The following ZNF507 variants were observed in gnomAD, a reference collection of about 807,000 sequenced individuals.
The protein encoded by ZNF507 is zinc finger protein 507.
In ZNF507, 29 loss-of-function variants were observed where a neutral mutation model predicts 80.0. The observed-to-expected ratio is 0.36, with a 90% CI of 0.27 to 0.49. The LOEUF is 0.49. ZNF507 is among the 20% of genes least tolerant of loss of function. The pLI is 0.98. For synonymous variants in ZNF507, 462 were observed against 422.5 expected (o/e 1.09, Z -1.15); for missense variants, 1,081 against 1,152.2 (o/e 0.94, Z 0.90).
intron 5 of ZNF507, among the ~76,000 whole-genome samples, chr19:32,375,096 T>TAA (rs61039468): frequency 7.0e-6 from 1 of 143,334 alleles, no homozygotes; most frequent in Non-Finnish European, 1.5e-5. Context: ...AGTATATTTG[T>TAA]AAAAAAAAAA....
rs1967665704 is a variant in ZNF507 at position 32,384,655 on chromosome 19, A to G, written c.*1572A>G. The G allele has an allele frequency of 1.3e-5, 2 of 152,042 alleles. No homozygotes were observed. The highest frequency in any genetic ancestry group is 2.4e-5 in the African/African-American group (1 of 41,392). 9.4% of individuals were successfully genotyped at this position (152,042 alleles called of 1,614,324 possible). A position where few individuals can be genotyped will look rare whatever the true frequency, so the allele number is the denominator to read the frequency against. ...GTATGATTGGATTAATATTTATAAA[A>G]TTATTATTAGGAATTATTTAAGTGG... On this transcript the variant is annotated 3_prime_UTR_variant, in exon 7 of 7. Coordinates refer to ENST00000355898, the MANE Select transcript of ZNF507 (RefSeq NM_001136156.2).
At chr19:32,348,677 G>T (rs960374072) in intron 2 of ZNF507, among the ~76,000 whole-genome samples, 1 of 152,108 alleles carries the variant, frequency 6.6e-6, no homozygotes, top group Non-Finnish European at 1.5e-5. Flanking sequence ...TACAACTTTT[G>T]TTTATTACTT....
intron 5 of ZNF507, among the ~76,000 whole-genome samples, chr19:32,369,691 T>C (rs773165084): frequency 3.4e-4 from 52 of 152,148 alleles, no homozygotes; most frequent in Non-Finnish European, 5.1e-4. Flanking sequence ...ATATGATGTA[T>C]AAGATGTAGA....
Position 32,354,145 on chromosome 19 carries a change from G to C in ZNF507, c.1315G>C (p.Asp439His). Residue 439 changes from aspartate (D) to histidine (H), a missense_variant, in exon 3 of 7, where the codon GAT becomes CAT. Transcript: ENST00000355898. ...TEAQIGREGM[D>H]DVYRADKCTV... ...AGCTCAGATTGGGCGCGAAGGAATG[G>C]ATGATGTTTATCGTGCTGATAAATG... is the stretch of plus-strand genomic sequence containing the variant. 6.2e-7 allele frequency: 1 copy of C among 1,613,200 alleles called. No homozygotes were observed. The highest frequency in any genetic ancestry group is 1.1e-5 in the South Asian group (1 of 91,082).
rs369913722 is a variant in ZNF507, at chr19:32,382,476, G to C, written c.2370G>C (p.Leu790=). 39 of 1,613,952 alleles carry C rather than the reference G, an allele frequency of 2.4e-5. No homozygotes were observed. Among genetic ancestry groups the C allele is most frequent in the Non-Finnish European group, 3.2e-5 (38 of 1,179,996 alleles). ...HNSDKPYRCS[L]CGYVCSHPPS... is the part of the protein sequence containing the mutation. ...CCTGCCTGTCTTCCAGATGCTCTCT[G>C]TGTGGGTATGTGTGTAGCCATCCTC... Residue 790 remains leucine, a synonymous_variant, in exon 6 of 7, where the codon CTG becomes CTC. Coordinates refer to ENST00000355898, the MANE Select transcript of ZNF507 (RefSeq NM_001136156.2).
At chr19:32,375,873 C>G (rs1599558002) in intron 5 of ZNF507, among the ~76,000 whole-genome samples, 2 of 152,124 alleles carry the variant, frequency 1.3e-5, no homozygotes, top group Non-Finnish European at 2.9e-5. Context: ...TAATGAAGCT[C>G]CTAATACTGA....
intron 5 of ZNF507, chr19:32,380,680 G>C (rs1191719472): frequency 2.0e-6 from 3 of 1,468,678 alleles, no homozygotes; most frequent in Admixed American, 2.0e-5. Flanking sequence ...AATGTCTTTG[G>C]AAAAGTGCAT....
intron 2 of ZNF507, among the ~76,000 whole-genome samples, chr19:32,348,372 A>G (rs1356812002): frequency 1.3e-5 from 2 of 151,960 alleles, no homozygotes; most frequent in African/African-American, 4.8e-5. Context: ...TTTGTATCAT[A>G]TTGTACTTTT....
rs188498727 is a variant in ZNF507 at position 32,381,541 on chromosome 19, A to G, written c.2361-926A>G. Among the ~76,000 whole-genome samples the G allele has an allele frequency of 2.9e-3, 449 of 152,220 alleles. 3 individuals are homozygous for G. The highest frequency in any genetic ancestry group is 0.01 in the African/African-American group (425 of 41,538). ...CTTGAACCCAGGAGGCAGAGGTTGC[A>G]GTGAGCCAAGATCACGACAGAGCAA... On this transcript the variant is annotated intron_variant, in intron 5 of 6. Coordinates refer to ENST00000355898, the MANE Select transcript of ZNF507 (RefSeq NM_001136156.2).
Position 32,354,769 on chromosome 19 carries a change from C to G in ZNF507, c.1939C>G (p.His647Asp), listed in dbSNP as rs778296294. The change falls in exon 3 of 7, where the codon CAC becomes GAC. Residue 647 changes from histidine to aspartate, a missense_variant. Transcript: ENST00000355898. ...AERPYRCRLC[H>D]YTSGNKGYIK... ...ACGACCCTACCGTTGCCGCCTGTGT[C>G]ACTACACAAGTGGCAACAAGGGCTA... 1 of 1,614,144 alleles carries G rather than the reference C, an allele frequency of 6.2e-7. No individual in the cohort carries two copies. The highest frequency in any genetic ancestry group is 2.2e-5 in the East Asian group (1 of 44,870).
chr19:32,350,889 A>G (rs1361547411), intron 2 of ZNF507, among the ~76,000 whole-genome samples: 1 of 152,240 alleles, frequency 6.6e-6, no homozygotes, highest in Admixed American at 6.5e-5. Flanking sequence ...CAGTAGTCAC[A>G]TGAAGAGCCA....
rs1200882033 is a variant in ZNF507 at position 32,387,519 on chromosome 19, G to A, written c.*4436G>A. 2.0e-5 allele frequency: 3 copies of A among 152,182 alleles called. No individual in the cohort carries two copies. The highest frequency in any genetic ancestry group is 2.0e-4 in the Admixed American group (3 of 15,276). 9.4% of individuals were successfully genotyped at this position (152,182 alleles called of 1,614,324 possible). ...GAGCATGGAAGCTCTAGAACGTATG[G>A]TCCAGTGTGGCAGCCACTATAATAT... On this transcript the variant is annotated 3_prime_UTR_variant, in exon 7 of 7. Transcript: ENST00000355898.
chr19:32,368,301 G>A (rs1319963261), intron 5 of ZNF507, among the ~76,000 whole-genome samples: 1 of 152,242 alleles, frequency 6.6e-6, no homozygotes, highest in Non-Finnish European at 1.5e-5. Context: ...AAGGCTGGAA[G>A]TGACCCAGAC....
intron 2 of ZNF507, among the ~76,000 whole-genome samples, chr19:32,349,659 G>GT (rs1967137894): frequency 6.6e-6 from 1 of 152,142 alleles, no homozygotes; most frequent in East Asian, 1.9e-4. Context: ...ACACATATTT[G>GT]TATTTCTGCA....
intron 5 of ZNF507, among the ~76,000 whole-genome samples, chr19:32,373,850 G>C (rs562010197): frequency 1.3e-5 from 2 of 152,166 alleles, no homozygotes; most frequent in East Asian, 1.9e-4. Context: ...ATCCATTTTC[G>C]TAACACGTCC....
chr19:32,353,418 C>T lies in ZNF507; in HGVS notation c.588C>T (p.Pro196=), dbSNP rs1967199455. The T allele has an allele frequency of 6.2e-7, 1 of 1,614,118 alleles. No homozygotes were observed. The highest frequency in any genetic ancestry group is 1.3e-5 in the African/African-American group (1 of 74,940). Residue 196 remains proline (P), a synonymous_variant, in exon 3 of 7, where the codon CCC becomes CCT. Transcript: ENST00000355898. ...CCAAAGCCCAACAGTGCGTAAGCCC[C>T]TCCAGCTCTTTGTGTCGGAAAACCA... is the stretch of plus-strand genomic sequence containing the variant. ...TQSKAQQCVS[P]SSSLCRKTTE...
intron 5 of ZNF507, among the ~76,000 whole-genome samples, chr19:32,381,559 CAG>C (rs1967622620): frequency 6.6e-6 from 1 of 151,984 alleles, no homozygotes; most frequent in Non-Finnish European, 1.5e-5. Flanking sequence ...AAGATCACGA[CAG>C]AGCAAGACTG....
chr19:32,348,760 G>T (rs973868238), intron 2 of ZNF507, among the ~76,000 whole-genome samples: 1 of 152,118 alleles, frequency 6.6e-6, no homozygotes, highest in African/African-American at 2.4e-5. Context: ...CTCCTGTTTT[G>T]CTAATGCCTG....
Position 32,354,809 on chromosome 19 carries a change from T to C in ZNF507, c.1979T>C (p.Leu660Ser), listed in dbSNP as rs578246063. 6 of 1,614,150 alleles carry C rather than the reference T, an allele frequency of 3.7e-6. No homozygotes were observed. In the South Asian group the frequency reaches 6.6e-5, roughly 18 times the overall value. Reference sequence around the variant, plus strand: ...AACAAGGGCTACATCAAGCAGCACTTACGAGTCCATCGACAGAGACAGCCT... The same window carrying C: ...AACAAGGGCTACATCAAGCAGCACTCACGAGTCCATCGACAGAGACAGCCT... ...SGNKGYIKQH[L>S]RVHRQRQPYQ... Residue 660 changes from leucine to serine, a missense_variant, in exon 3 of 7, where the codon TTA becomes TCA. By Grantham distance (145) the Leu-to-Ser change is moderately radical. Around this residue, in one of 6 missense-constraint regions of ZNF507, gnomAD observed 614 missense variants for 583.9 expected, o/e 1.05. Coordinates refer to ENST00000355898, the MANE Select transcript of ZNF507 (RefSeq NM_001136156.2).
Sources: allele counts gnomAD v4.1 joint callset (sites outside exome capture counted in the v4.1 genomes callset), GRCh38; gene constraint gnomAD v4.1.1; regional missense constraint gnomAD v4.1.1; transcripts MANE v1.5; gene names NCBI Gene and HGNC (gene_info 2026-07-23, HGNC 2026-07-21).